ACAP3: variants seen among roughly 807,000 people sequenced by gnomAD.
The protein encoded by ACAP3 is ArfGAP with coiled-coil, ankyrin repeat and PH domains 3, also known as arf-GAP with coiled-coil, ANK repeat and PH domain-containing protein 3.
Under a neutral mutation model 104.1 loss-of-function variants are expected in ACAP3, and 56 were observed. That is an observed-to-expected ratio of 0.54 (90% CI 0.43 to 0.67). The LOEUF (loss-of-function observed/expected upper bound fraction) is 0.67. Among genes scored for constraint, ACAP3 ranks in the 30% least tolerant of loss-of-function variants. ACAP3 has a pLI of 0.00. For missense variants in ACAP3, 1,208 were observed against 1,174.9 expected (o/e 1.03, Z -0.41); for synonymous variants, 628 against 496.2 (o/e 1.27, Z -3.53).
Position 1,294,812 on chromosome 1 carries a change from C to T in ACAP3, c.1818G>A (p.Leu606=). The T allele has an allele frequency of 1.3e-6, 2 of 1,549,840 alleles. No homozygotes were observed. The highest frequency in any genetic ancestry group is 4.9e-5 in the East Asian group (2 of 40,898). The part of the protein sequence containing the change: ...AGAAGAGPRS[L]SSDSGLGGSS... ...TGCCCCCAAGGCCACTGTCGCTACT[C>T]AGACCTGCAGGTCCGCAGGGAAGGG... The change falls in exon 20 of 24, where the codon CTG becomes CTA. Residue 606 remains leucine, a synonymous_variant. Coordinates refer to ENST00000354700, the MANE Select transcript of ACAP3 (RefSeq NM_030649.3).
chr1:1,305,678 G>C (rs1641660500), intron 1 of ACAP3: 3 of 152,586 alleles, frequency 2.0e-5, no homozygotes. Context: ...GCTGTGCTCA[G>C]CCCAGGATTT....
intron 16 of ACAP3, 39 bp downstream of exon 16, chr1:1,296,172 C>T: frequency 6.2e-7 from 1 of 1,602,104 alleles, no homozygotes; most frequent in Non-Finnish European, 8.5e-7. Context: ...CCCGCCCCCA[C>T]AAACGGGGTC....
Position 1,303,940 on chromosome 1 carries a change from A to C in ACAP3, c.105+146T>G. On this transcript the variant is annotated intron_variant, in intron 2 of 23. Transcript: ENST00000354700. The surrounding 1 kb of genome is among the most constrained non-coding windows in gnomAD (Gnocchi z 4.0). ...TGTGCACCCTGGAACACACATGCTA[A>C]GACACAGGGACCAGGACCTGGAGCA... 3 of 954,600 alleles carry C rather than the reference A, an allele frequency of 3.1e-6. No individual in the cohort carries two copies. Among genetic ancestry groups the C allele is most frequent in the Non-Finnish European group, 3.1e-6 (2 of 637,514 alleles). The allele number at this position is 954,600 out of a possible 1,614,324, so 59.1% of individuals were successfully genotyped here.
At chr1:1,307,510 G>A (rs1241659834) in intron 1 of ACAP3, 6 of 1,204,856 alleles carry the variant, frequency 5.0e-6, no homozygotes, top group Non-Finnish European at 6.5e-6. Context: ...CAGAGCGGGG[G>A]CGGACGGTCC....
intron 22 of ACAP3, 39 bp downstream of exon 22, chr1:1,294,051 G>C (rs1640990388): frequency 6.6e-7 from 1 of 1,520,534 alleles, no homozygotes; most frequent in Non-Finnish European, 8.8e-7. Flanking sequence ...GGGTAGGCGT[G>C]GTCGGGGCAC....
At chr1:1,296,946 C>T (rs1214459554) in intron 14 of ACAP3, among the ~76,000 whole-genome samples, 4 of 152,212 alleles carry the variant, frequency 2.6e-5, no homozygotes, top group East Asian at 3.8e-4. Flanking sequence ...CGCGTGTATA[C>T]GTGCACACCC....
chr1:1,297,003 A>G (rs1165079169), intron 14 of ACAP3, among the ~76,000 whole-genome samples: 2 of 152,260 alleles, frequency 1.3e-5, no homozygotes, highest in African/African-American at 2.4e-5. Context: ...TCCACACTGC[A>G]CAAGCCAGCA....
rs749256892 is a variant in ACAP3 at position 1,293,894 on chromosome 1, G to A, written c.2289C>T (p.His763=). Reference sequence around the variant, plus strand: ...GGTCCCGCTGCTCTTGGTCCAGGGCGTGCTGGTCCGCGCCCCGCTTCAGGA... The same window carrying A: ...GGTCCCGCTGCTCTTGGTCCAGGGCATGCTGGTCCGCGCCCCGCTTCAGGA... ...CLFLKRGADQ[H]ALDQEQRDPL... The change falls in exon 23 of 24, where the codon CAC becomes CAT. Residue 763 remains histidine (H), a synonymous_variant. Transcript: ENST00000354700. The A allele has an allele frequency of 1.3e-6, 2 of 1,584,452 alleles. No homozygotes were observed. Among genetic ancestry groups the A allele is most frequent in the South Asian group, 2.2e-5 (2 of 89,266 alleles).
rs1028844713 is a variant in ACAP3, at chr1:1,299,340, C to T, written c.750+5G>A. On this transcript the variant is annotated splice_donor_5th_base_variant and intron_variant, in intron 10 of 23. Transcript: ENST00000354700. ...ACAGCCCGCCCAGGGCCCGTGCTCA[C>T]TTACCTGCAGCAGCGTCTGGAGGGC... is the stretch of plus-strand genomic sequence containing the variant. The T allele has an allele frequency of 6.3e-7, 1 of 1,591,174 alleles. No homozygotes were observed. Among genetic ancestry groups the T allele is most frequent in the Non-Finnish European group, 8.6e-7 (1 of 1,169,176 alleles).
intron 1 of ACAP3, among the ~76,000 whole-genome samples, chr1:1,306,233 G>A (rs890842101): frequency 3.9e-5 from 6 of 152,264 alleles, no homozygotes; most frequent in East Asian, 3.9e-4. Context: ...CCAGAGAGAA[G>A]GCCCAGAGGT....
chr1:1,303,922 C>T lies in ACAP3; in HGVS notation c.105+164G>A. 1 of 824,092 alleles carries T rather than the reference C, an allele frequency of 1.2e-6. No individual in the cohort carries two copies. The highest frequency in any genetic ancestry group is 1.9e-6 in the Non-Finnish European group (1 of 523,626). 51.0% of individuals were successfully genotyped at this position (824,092 alleles called of 1,614,324 possible). On this transcript the variant is annotated intron_variant, in intron 2 of 23. Coordinates refer to ENST00000354700, the MANE Select transcript of ACAP3 (RefSeq NM_030649.3). The surrounding 1 kb of genome is among the most constrained non-coding windows in gnomAD (Gnocchi z 4.0). ...ACATGTGTGCATGTGACATGTGCAC[C>T]CTGGAACACACATGCTAAGACACAG...
rs2100475342 is a variant in ACAP3, at chr1:1,303,533, G to GCCAGCAGGA, written c.106-261_106-253dup. The GCCAGCAGGA allele has an allele frequency of 1.7e-6, 1 of 589,630 alleles. No homozygotes were observed. Among genetic ancestry groups the GCCAGCAGGA allele is most frequent in the African/African-American group, 1.9e-5 (1 of 53,376 alleles). 36.5% of individuals were successfully genotyped at this position (589,630 alleles called of 1,614,324 possible). The stretch of plus-strand genomic sequence containing the variant: ...CCAGGAGCCAGGCAGGGGACCCAGG[G>GCCAGCAGGA]CCAGCAGGACCAGCAGAACCAGCCC... On this transcript the variant is annotated intron_variant, in intron 2 of 23. Coordinates refer to ENST00000354700, the MANE Select transcript of ACAP3 (RefSeq NM_030649.3). This position sits in a 1 kb window ranked among gnomAD's most constrained non-coding sequence, Gnocchi z 4.0.
rs1288998796 is a variant in ACAP3, at chr1:1,293,951, A to G, written c.2250-18T>C. ...AAACCTGGCTGAGGGGCGAGGTCGG[A>G]GGGGCGTGTCGGGGCGGGGCGGGGC... is the stretch of plus-strand genomic sequence containing the variant. On this transcript the variant is annotated intron_variant, in intron 22 of 23. Transcript: ENST00000354700. The G allele has an allele frequency of 8.4e-7, 1 of 1,183,930 alleles. No individual in the cohort carries two copies. The allele number at this position is 1,183,930 out of a possible 1,614,324, so 73.3% of individuals were successfully genotyped here.
rs754500558 is a variant in ACAP3, at chr1:1,295,970, C to T, written c.1503-32G>A. 1.2e-5 allele frequency: 19 copies of T among 1,612,584 alleles called. No individual in the cohort carries two copies. The Admixed American group carries it at 1.3e-4, about 11-fold the overall frequency. ...CAGGGGGGAACATGAGGCTGTGCCC[C>T]CAGGCTGGGGCTCCCTGACTGATCC... is the stretch of plus-strand genomic sequence containing the variant. On this transcript the variant is annotated intron_variant, in intron 17 of 23. Coordinates refer to ENST00000354700, the MANE Select transcript of ACAP3 (RefSeq NM_030649.3).
intron 1 of ACAP3, chr1:1,307,297 C>T: frequency 1.6e-6 from 2 of 1,289,230 alleles, no homozygotes; most frequent in South Asian, 1.2e-5. Context: ...CTCCAAGCCC[C>T]TGGGTCATTC....
intron 10 of ACAP3, chr1:1,298,893 C>T (rs1010765192): frequency 1.4e-5 from 8 of 579,922 alleles, no homozygotes; most frequent in Middle Eastern, 4.5e-4. Flanking sequence ...AGACCCCTCA[C>T]GTTCACAGCT....
intron 1 of ACAP3, 24 bp downstream of exon 1, chr1:1,307,745 C>T: frequency 9.1e-7 from 1 of 1,094,734 alleles, no homozygotes; most frequent in Non-Finnish European, 1.1e-6. Flanking sequence ...CCTGCGCCCA[C>T]CCCGGCGGCC....
At position 1,303,302 on chromosome 1, in the gene ACAP3, G is replaced by C. The variant is rs1641533042; in HGVS notation, c.106-21C>G. On this transcript the variant is annotated intron_variant, in intron 2 of 23. Transcript: ENST00000354700. This position sits in a 1 kb window ranked among gnomAD's most constrained non-coding sequence, Gnocchi z 4.0. ...ACCAGCTGTGGGCCAGCGGGGCGTG[G>C]TGAGCACAGTGGGCACTGGCGCCTG... 3.8e-6 allele frequency: 6 copies of C among 1,559,080 alleles called. No individual in the cohort carries two copies. The highest frequency in any genetic ancestry group is 5.2e-6 in the Non-Finnish European group (6 of 1,152,644).
intron 14 of ACAP3, 44 bp downstream of exon 14, chr1:1,297,778 C>A: frequency 1.3e-6 from 2 of 1,573,846 alleles, no homozygotes; most frequent in Non-Finnish European, 8.7e-7. Flanking sequence ...CCCGGTGGCA[C>A]GTGTGTGTGC....
Sources: gnomAD v4.1 joint callset for allele counts (sites outside exome capture counted in the v4.1 genomes callset) on GRCh38, gnomAD v4.1.1 for gene constraint, Gnocchi (gnomAD v3.1) non-coding constraint, MANE v1.5 for transcripts, NCBI Gene and HGNC (gene_info 2026-07-23, HGNC 2026-07-21) for gene names.